Variants in BNC2 observed in about 807,000 individuals in gnomAD.
The protein encoded by BNC2 is zinc finger protein basonuclin-2.
In BNC2, 20 loss-of-function variants were observed where a neutral mutation model predicts 76.3. The ratio of observed to expected loss-of-function variants is 0.26; its 90% confidence interval spans 0.18 to 0.38. The LOEUF is 0.38. Ranked by LOEUF, BNC2 falls within the 10% of genes least tolerant of loss-of-function variation. The pLI, the probability that BNC2 is intolerant of heterozygous loss-of-function variation, is 1.00. For missense variants in BNC2, 1,382 were observed against 1,399.8 expected, an observed-to-expected ratio of 0.99 and a Z score of 0.20; for synonymous variants, 582 against 514.8, an observed-to-expected ratio of 1.13 and a Z score of -1.77.
chr9:16,772,345 T>C (rs1287019453), intron 1 of BNC2, among the ~76,000 whole-genome samples: 2 of 152,336 alleles, frequency 1.3e-5, no homozygotes, highest in African/African-American at 4.8e-5. Context: ...GTGTTTTTTT[T>C]TAATATGCCA....
intron 5 of BNC2, among the ~76,000 whole-genome samples, chr9:16,506,511 CTCTTTTTTTTTTTTTTTTT>C (rs1822629822): frequency 3.7e-5 from 3 of 81,428 alleles, no homozygotes; most frequent in African/African-American, 1.7e-4. Context: ...TCTCTCTCTC[CTCTTTTTTTTTTTTTTTTT>C]TTTTTTTTTT....
At chr9:16,580,750 C>A (rs1413781597) in intron 4 of BNC2, among the ~76,000 whole-genome samples, 1 of 152,134 alleles carries the variant, frequency 6.6e-6, no homozygotes, top group Non-Finnish European at 1.5e-5. Context: ...AAATGAAACG[C>A]CTTTGTTCAA....
At chr9:16,573,476 A>G (rs1250908615) in intron 4 of BNC2, among the ~76,000 whole-genome samples, 1 of 152,186 alleles carries the variant, frequency 6.6e-6, no homozygotes, top group African/African-American at 2.4e-5. Flanking sequence ...GACTAGCCAC[A>G]TTTCAAGTGT....
chr9:16,869,984 C>A (rs1390665525), intron 1 of BNC2, among the ~76,000 whole-genome samples: 1 of 152,172 alleles, frequency 6.6e-6, no homozygotes, highest in African/African-American at 2.4e-5. Flanking sequence ...AATTGCACTT[C>A]GAAAAGAGCC....
chr9:16,513,594 G>A (rs941627739), intron 5 of BNC2, among the ~76,000 whole-genome samples: 6 of 152,084 alleles, frequency 3.9e-5, no homozygotes, highest in Admixed American at 1.3e-4. Flanking sequence ...ATGAGCCACC[G>A]CGCCAGGCCG....
At chr9:16,575,531 G>T (rs890943585) in intron 4 of BNC2, 177 of 736,980 alleles carry the variant, frequency 2.4e-4, no homozygotes, top group Non-Finnish European at 2.7e-4. Flanking sequence ...CAAAAAGTGT[G>T]CAGGCTGAGA....
chr9:16,750,675 G>GT (rs1446843471), intron 1 of BNC2, among the ~76,000 whole-genome samples: 4 of 152,180 alleles, frequency 2.6e-5, no homozygotes, highest in African/African-American at 9.7e-5. Flanking sequence ...GAATTAGACC[G>GT]TAACACATTC....
chr9:16,598,971 T>C (rs1324496233), intron 3 of BNC2, among the ~76,000 whole-genome samples: 1 of 152,178 alleles, frequency 6.6e-6, no homozygotes, highest in Non-Finnish European at 1.5e-5. Context: ...TAAATATGAA[T>C]AAATTAACAA....
intron 3 of BNC2, among the ~76,000 whole-genome samples, chr9:16,711,371 T>C (rs1280833934): frequency 6.6e-6 from 1 of 152,196 alleles, no homozygotes; most frequent in African/African-American, 2.4e-5. Flanking sequence ...TCCTCGCTAG[T>C]TGCAGTATTA....
At chr9:16,707,016 C>T (rs886748922) in intron 3 of BNC2, among the ~76,000 whole-genome samples, 1 of 152,208 alleles carries the variant, frequency 6.6e-6, no homozygotes, top group Non-Finnish European at 1.5e-5. Flanking sequence ...TCCTGGCTAA[C>T]ACGGTGAAAC....
intron 1 of BNC2, among the ~76,000 whole-genome samples, chr9:16,790,864 T>C (rs904638166): frequency 2.1e-5 from 3 of 140,774 alleles, no homozygotes; most frequent in Non-Finnish European, 3.0e-5. Context: ...TTAGCTAAAA[T>C]TTTAATCCAA....
intron 1 of BNC2, among the ~76,000 whole-genome samples, chr9:16,773,968 TTTTTGTTTTG>T (rs370341139): frequency 4.6e-5 from 7 of 152,038 alleles, no homozygotes; most frequent in African/African-American, 9.7e-5. Context: ...ACAGTATGTT[TTTTTGTTTTG>T]TTTTGTTTTG....
intron 3 of BNC2, among the ~76,000 whole-genome samples, chr9:16,714,550 T>C (rs1381437951): frequency 6.6e-6 from 1 of 152,196 alleles, no homozygotes; most frequent in Admixed American, 6.5e-5. Context: ...TAACACAAAC[T>C]GTTAATCTCT....
At chr9:16,849,352 A>ATTTTTTTTTTT (rs35561834) in intron 1 of BNC2, among the ~76,000 whole-genome samples, 1 of 90,108 alleles carries the variant, frequency 1.1e-5, no homozygotes, top group Non-Finnish European at 2.0e-5. Flanking sequence ...CATGCAAAAG[A>ATTTTTTTTTTT]TTTTTTTTTT....
At chr9:16,541,115 G>A (rs1238716872) in intron 5 of BNC2, among the ~76,000 whole-genome samples, 97 of 152,174 alleles carry the variant, frequency 6.4e-4, no homozygotes, top group Admixed American at 6.2e-3. Context: ...CAAATGTCTT[G>A]TACTGCTCTC....
chr9:16,589,063 C>T (rs539478342), intron 3 of BNC2, among the ~76,000 whole-genome samples: 1 of 152,190 alleles, frequency 6.6e-6, no homozygotes. Flanking sequence ...GGGGAAAAAA[C>T]TGATTCCGGT....
At chr9:16,572,684 G>A (rs1255292362) in intron 4 of BNC2, among the ~76,000 whole-genome samples, 1 of 152,038 alleles carries the variant, frequency 6.6e-6, no homozygotes, top group East Asian at 1.9e-4. Flanking sequence ...GTAAAGGGGT[G>A]GGAATCCCAC....
At chr9:16,513,299 CTTTTTTTTTTTTT>C (rs1202222924) in intron 5 of BNC2, among the ~76,000 whole-genome samples, 4 of 85,560 alleles carry the variant, frequency 4.7e-5, no homozygotes, top group Admixed American at 2.9e-4. Context: ...AGAAAAGGTT[CTTTTTTTTTTTTT>C]TTTTTTTTTT....
intron 1 of BNC2, among the ~76,000 whole-genome samples, chr9:16,772,738 G>C (rs977567990): frequency 1.3e-5 from 2 of 152,176 alleles, no homozygotes; most frequent in African/African-American, 2.4e-5. Context: ...TTTTGGTCTG[G>C]AGGATGTGTT....
Sources: gnomAD v4.1 joint callset for allele counts (sites outside exome capture counted in the v4.1 genomes callset) on GRCh38, gnomAD v4.1.1 for gene constraint, MANE v1.5 for transcripts, NCBI Gene and HGNC (gene_info 2026-07-23, HGNC 2026-07-21) for gene names.